LRRC8A: variants seen among roughly 807,000 people sequenced by gnomAD.
LRRC8A encodes the protein volume-regulated anion channel subunit LRRC8A.
In LRRC8A, 24 loss-of-function variants were observed where a neutral mutation model predicts 52.5. The observed-to-expected ratio is 0.46, with a 90% CI of 0.33 to 0.64. LRRC8A has a LOEUF of 0.64. LRRC8A is among the 30% of genes least tolerant of loss of function. LRRC8A has a pLI of 0.02. For synonymous variants in LRRC8A, 492 were observed against 494.2 expected, an observed-to-expected ratio of 1.00 and a Z score of 0.06; for missense variants, 677 against 1,094.7, an observed-to-expected ratio of 0.62 and a Z score of 5.38.
intron 1 of LRRC8A, among the ~76,000 whole-genome samples, chr9:128,884,384 C>T (rs1436139587): frequency 6.6e-6 from 1 of 152,054 alleles, no homozygotes; most frequent in Non-Finnish European, 1.5e-5. Flanking sequence ...AGTGTCTCTC[C>T]ATGCCTTGAC....
In LRRC8A at chr9:128,892,999, C is replaced by G. The variant is rs1839684626; in HGVS notation, c.-9+6878C>G. ...GCCACGCCAAATCCCTGTGGGCCCA[C>G]ATGGGGTCTGGTGCGTGCTGGGGGG... On this transcript the variant is annotated intron_variant, in intron 2 of 3. Coordinates refer to ENST00000372600, the MANE Select transcript of LRRC8A (RefSeq NM_019594.4). The surrounding 1 kb of genome is among the most constrained non-coding windows in gnomAD (Gnocchi z 5.2). 1.3e-5 allele frequency among the ~76,000 whole-genome samples: 2 copies of G among 152,204 alleles called. No individual in the cohort carries two copies. The highest frequency in any genetic ancestry group is 1.3e-4 in the Admixed American group (2 of 15,288).
At chr9:128,905,280 C>A (rs1840200163) in intron 2 of LRRC8A, among the ~76,000 whole-genome samples, 1 of 152,214 alleles carries the variant, frequency 6.6e-6, no homozygotes, top group Non-Finnish European at 1.5e-5. Context: ...AAAGCGGATT[C>A]TTCTTTTTTT....
intron 2 of LRRC8A, among the ~76,000 whole-genome samples, chr9:128,891,692 A>T (rs1474025861): frequency 6.6e-6 from 1 of 152,150 alleles, no homozygotes; most frequent in Non-Finnish European, 1.5e-5. Flanking sequence ...GTGAGACCAG[A>T]GGCATCTGAG....
Position 128,916,481 on chromosome 9 carries a change from G to A in LRRC8A, c.*110G>A. 1.4e-6 allele frequency: 2 copies of A among 1,383,642 alleles called. No homozygotes were observed. Among genetic ancestry groups the A allele is most frequent in the South Asian group, 1.4e-5 (1 of 70,048 alleles). The allele number at this position is 1,383,642 out of a possible 1,614,324, so 85.7% of individuals were successfully genotyped here. A position where few individuals can be genotyped will look rare whatever the true frequency, so the allele number is the denominator to read the frequency against. On this transcript the variant is annotated 3_prime_UTR_variant, in exon 4 of 4. Transcript: ENST00000372600. This position sits in a 1 kb window ranked among gnomAD's most constrained non-coding sequence, Gnocchi z 6.1. ...CCCGGACAGCCAGGACAGCCTCGTGGCTGGGCAGGAGCCTGGGGCCGCTTG... is the reference window on the plus strand; with the variant it reads ...CCCGGACAGCCAGGACAGCCTCGTGACTGGGCAGGAGCCTGGGGCCGCTTG...
At position 128,916,432 on chromosome 9, in the gene LRRC8A, G is replaced by T. The variant is rs1349239302; in HGVS notation, c.*61G>T. The T allele has an allele frequency of 6.5e-7, 1 of 1,533,890 alleles. No individual in the cohort carries two copies. Among genetic ancestry groups the T allele is most frequent in the Non-Finnish European group, 8.8e-7 (1 of 1,139,726 alleles). ...CTGCCCAGTCCTCAGGCCCGGAGGG[G>T]CAGGCCTAGCTTCTCCCAGAACTCC... On this transcript the variant is annotated 3_prime_UTR_variant, in exon 4 of 4. Coordinates refer to ENST00000372600, the MANE Select transcript of LRRC8A (RefSeq NM_019594.4). This position sits in a 1 kb window ranked among gnomAD's most constrained non-coding sequence, Gnocchi z 6.1.
intron 1 of LRRC8A, chr9:128,884,919 C>G (rs1296937474): frequency 6.6e-6 from 1 of 152,374 alleles, no homozygotes; most frequent in East Asian, 1.9e-4. Flanking sequence ...GCCCTCCCAG[C>G]ACAGGGCCTG....
Position 128,917,669 on chromosome 9 carries a change from G to T in LRRC8A, c.*1298G>T, listed in dbSNP as rs1276293194. On this transcript the variant is annotated 3_prime_UTR_variant, in exon 4 of 4. Coordinates refer to ENST00000372600, the MANE Select transcript of LRRC8A (RefSeq NM_019594.4). ...ACACTTAGAGGCTGGTCGGGAATGG[G>T]GAGGTCGCCCCTGGGAGGGCAGGCG... 1 of 152,764 alleles carries T rather than the reference G, an allele frequency of 6.5e-6. No individual in the cohort carries two copies. The highest frequency in any genetic ancestry group is 6.5e-5 in the Admixed American group (1 of 15,286). The allele number at this position is 152,764 out of a possible 1,614,324, so 9.5% of individuals were successfully genotyped here.
Position 128,908,441 on chromosome 9 carries a change from A to G in LRRC8A, c.1277A>G (p.Asp426Gly). 1 of 1,613,408 alleles carries G rather than the reference A, an allele frequency of 6.2e-7. No homozygotes were observed. Among genetic ancestry groups the G allele is most frequent in the South Asian group, 1.1e-5 (1 of 91,068 alleles). The stretch of plus-strand genomic sequence containing the variant: ...CAGCGGCTCACCAAGAACGCGCAGG[A>G]CAAGCTGGAGCTGCACCTGTTCATG... Reference protein sequence around the residue: ...LRQRLTKNAQDKLELHLFMLS... With the variant: ...LRQRLTKNAQGKLELHLFMLS... Residue 426 changes from aspartate (D) to glycine (G), a missense_variant, in exon 3 of 4, where the codon GAC (aspartate) becomes GGC (glycine). Coordinates refer to ENST00000372600, the MANE Select transcript of LRRC8A (RefSeq NM_019594.4).
Position 128,909,416 on chromosome 9 carries a change from G to A in LRRC8A, c.2157+95G>A, listed in dbSNP as rs550563843. The A allele has an allele frequency of 1.2e-4, 147 of 1,225,924 alleles. 1 individual carries two copies. The South Asian group carries it at 1.6e-3, about 13-fold the overall frequency. 75.9% of individuals were successfully genotyped at this position (1,225,924 alleles called of 1,614,324 possible). A position where few individuals can be genotyped will look rare whatever the true frequency, so the allele number is the denominator to read the frequency against. On this transcript the variant is annotated intron_variant, in intron 3 of 3. Coordinates refer to ENST00000372600, the MANE Select transcript of LRRC8A (RefSeq NM_019594.4). ...TCGGCAGGCTCAGTGTCCTGGGACC[G>A]TCGATGCCCCTGAGTGTGGAGTCCT...
At chr9:128,913,425 G>T (rs1225598684) in intron 3 of LRRC8A, among the ~76,000 whole-genome samples, 2 of 152,178 alleles carry the variant, frequency 1.3e-5, no homozygotes, top group South Asian at 2.1e-4. Flanking sequence ...GCAATTGGGG[G>T]ATTGGGAACC....
At chr9:128,903,538 A>G (rs1840113207) in intron 2 of LRRC8A, among the ~76,000 whole-genome samples, 1 of 149,560 alleles carries the variant, frequency 6.7e-6, no homozygotes, top group African/African-American at 2.5e-5. Flanking sequence ...TCAGCCTTCC[A>G]AGCAGCTGGG....
rs1486544602 is a variant in LRRC8A at position 128,892,775 on chromosome 9, G to T, written c.-9+6654G>T. Among the ~76,000 whole-genome samples the T allele has an allele frequency of 6.6e-6, 1 of 152,216 alleles. No homozygotes were observed. The highest frequency in any genetic ancestry group is 2.4e-5 in the African/African-American group (1 of 41,462). On this transcript the variant is annotated intron_variant, in intron 2 of 3. Transcript: ENST00000372600. The surrounding 1 kb of genome is among the most constrained non-coding windows in gnomAD (Gnocchi z 5.2). ...TTGGAACCCTCCCGGGACAGGGCCT[G>T]TTGAGAGCGGCCCCTTCGCGCTCCC...
At chr9:128,889,739 C>A (rs1008301722) in intron 2 of LRRC8A, among the ~76,000 whole-genome samples, 2 of 151,822 alleles carry the variant, frequency 1.3e-5, no homozygotes, top group African/African-American at 2.4e-5. Context: ...TGTGATCCAC[C>A]CACCTTGTTC....
rs1382366141 is a variant in LRRC8A, at chr9:128,917,272, A to C, written c.*901A>C. 6.6e-6 allele frequency: 1 copy of C among 151,862 alleles called. No individual in the cohort carries two copies. The highest frequency in any genetic ancestry group is 1.5e-5 in the Non-Finnish European group (1 of 67,900). 9.4% of individuals were successfully genotyped at this position (151,862 alleles called of 1,614,324 possible). A position where few individuals can be genotyped will look rare whatever the true frequency, so the allele number is the denominator to read the frequency against. On this transcript the variant is annotated 3_prime_UTR_variant, in exon 4 of 4. Coordinates refer to ENST00000372600, the MANE Select transcript of LRRC8A (RefSeq NM_019594.4). ...GGATCTGGTGTGACCTTGGTCCAGG[A>C]GTTCTATTTGTTCCTGGGGAGGGAG...
chr9:128,895,070 G>A (rs1839772069), intron 2 of LRRC8A, among the ~76,000 whole-genome samples: 1 of 152,106 alleles, frequency 6.6e-6, no homozygotes, highest in South Asian at 2.1e-4. Flanking sequence ...ATGTGAATAA[G>A]TGAAATCAAA....
In LRRC8A at chr9:128,907,710, C is replaced by CGA; in HGVS notation, c.546_547insGA (p.Pro183AspfsTer9). The CGA allele has an allele frequency of 6.2e-7, 1 of 1,613,494 alleles. No individual in the cohort carries two copies. Among genetic ancestry groups the CGA allele is most frequent in the Non-Finnish European group, 8.5e-7 (1 of 1,179,846 alleles). On this transcript the variant is annotated frameshift_variant, in exon 3 of 4. Coordinates refer to ENST00000372600, the MANE Select transcript of LRRC8A (RefSeq NM_019594.4). LOFTEE classifies it high-confidence loss of function. The surrounding 1 kb of genome is among the most constrained non-coding windows in gnomAD (Gnocchi z 9.3). ...CGGAGACAGTGGTGGAGGAGAGCGA[C>CGA]CCCAAGCCGGCCTTCAGCAAGATGA...
intron 1 of LRRC8A, among the ~76,000 whole-genome samples, chr9:128,884,728 A>C (rs1293029701): frequency 2.6e-5 from 4 of 152,136 alleles, no homozygotes; most frequent in African/African-American, 9.7e-5. Flanking sequence ...TGATTGGACC[A>C]CCCAGCCTCA....
At chr9:128,903,649 G>A (rs1032283675) in intron 2 of LRRC8A, among the ~76,000 whole-genome samples, 2 of 151,650 alleles carry the variant, frequency 1.3e-5, no homozygotes, top group African/African-American at 2.4e-5. Context: ...TCCTGACCTC[G>A]TGATCCGCCC....
chr9:128,887,865 G>T (rs1317185646), intron 2 of LRRC8A, among the ~76,000 whole-genome samples: 1 of 151,646 alleles, frequency 6.6e-6, no homozygotes, highest in Non-Finnish European at 1.5e-5. Flanking sequence ...GGATGGTCTT[G>T]ATCTCCTGAC....
Sources: allele counts gnomAD v4.1 joint callset (sites outside exome capture counted in the v4.1 genomes callset), GRCh38; gene constraint gnomAD v4.1.1; non-coding constraint Gnocchi (gnomAD v3.1); transcripts MANE v1.5; gene names NCBI Gene and HGNC (gene_info 2026-07-23, HGNC 2026-07-21).